THSD7B: variants seen among roughly 807,000 people sequenced by gnomAD.
The protein encoded by THSD7B is thrombospondin type-1 domain-containing protein 7B.
THSD7B carries 138 observed loss-of-function variants against 213.6 expected under a neutral mutation model. The observed-to-expected ratio is 0.65, with a 90% CI of 0.56 to 0.74. The LOEUF is 0.74. Ranked by LOEUF, THSD7B falls within the 30% of genes least tolerant of loss-of-function variation. The probability of loss-of-function intolerance (pLI) is 0.00; values close to 1 mark genes in which losing one functional copy is unlikely to be tolerated. For synonymous variants in THSD7B, 742 were observed against 687.0 expected, an observed-to-expected ratio of 1.08 and a Z score of -1.25; for missense variants, 1,931 against 1,991.5, an observed-to-expected ratio of 0.97 and a Z score of 0.58.
intron 15 of THSD7B, among the ~76,000 whole-genome samples, chr2:137,555,590 G>A (rs1257165952): frequency 2.6e-5 from 4 of 151,896 alleles, no homozygotes; most frequent in Non-Finnish European, 5.9e-5. Context: ...ACCAAGATGG[G>A]GAAAAAACAG....
At chr2:137,183,711 G>T (rs1468907326) in intron 7 of THSD7B, among the ~76,000 whole-genome samples, 3 of 152,068 alleles carry the variant, frequency 2.0e-5, no homozygotes, top group African/African-American at 7.2e-5. Flanking sequence ...GCAGCTATGG[G>T]ATGGGCCGTA....
chr2:136,906,221 C>G (rs1216209634), intron 2 of THSD7B, among the ~76,000 whole-genome samples: 3 of 152,124 alleles, frequency 2.0e-5, no homozygotes, highest in Admixed American at 1.3e-4. Context: ...AGATAACGCT[C>G]AGTGTTCAGC....
chr2:137,553,088 A>G (rs1680882008), intron 15 of THSD7B, among the ~76,000 whole-genome samples: 2 of 152,182 alleles, frequency 1.3e-5, no homozygotes, highest in Admixed American at 1.3e-4. Flanking sequence ...TTCCCCTAAC[A>G]TTCCAATGAA....
At chr2:137,282,941 G>T (rs1178141163) in intron 12 of THSD7B, among the ~76,000 whole-genome samples, 1 of 152,156 alleles carries the variant, frequency 6.6e-6, no homozygotes, top group African/African-American at 2.4e-5. Context: ...ATTCTGTGAA[G>T]AAAGTCATTG....
intron 5 of THSD7B, among the ~76,000 whole-genome samples, chr2:137,122,118 A>G (rs1688556280): frequency 6.6e-6 from 1 of 152,200 alleles, no homozygotes; most frequent in South Asian, 2.1e-4. Context: ...GTTTTGGGCT[A>G]AGGCAATGCT....
intron 7 of THSD7B, among the ~76,000 whole-genome samples, chr2:137,193,953 C>A (rs74522621): frequency 0.037 from 5,563 of 151,590 alleles, 353 homozygotes; most frequent in African/African-American, 0.13. Context: ...GAATTTGCAA[C>A]CTTGGTTTTC....
In THSD7B at chr2:137,238,849, G is replaced by A. The variant is rs371770902; in HGVS notation, c.2151-3608G>A. 2.6e-5 allele frequency among the ~76,000 whole-genome samples: 4 copies of A among 151,898 alleles called. No homozygotes were observed. In the East Asian group the frequency reaches 5.8e-4, roughly 22 times the overall value. On this transcript the variant is annotated intron_variant, in intron 9 of 27. Transcript: ENST00000409968. ...ATTACAGGCGTGAGCCACCGCGCCC[G>A]GCCATGACACTCATCTTTCTTTCTC...
At chr2:137,252,783 C>A (rs566848443) in intron 10 of THSD7B, among the ~76,000 whole-genome samples, 1 of 152,170 alleles carries the variant, frequency 6.6e-6, no homozygotes. Context: ...GCCTTTCCAA[C>A]TGGTTCAAGC....
At chr2:136,805,906 G>C (rs1401819254) in intron 1 of THSD7B, among the ~76,000 whole-genome samples, 1 of 152,094 alleles carries the variant, frequency 6.6e-6, no homozygotes, top group Non-Finnish European at 1.5e-5. Flanking sequence ...ATTCCTTGTG[G>C]CTTCTCCACT....
At chr2:136,802,639 T>TATA (rs1682205694) in intron 1 of THSD7B, among the ~76,000 whole-genome samples, 48 of 57,382 alleles carry the variant, frequency 8.4e-4, no homozygotes, top group East Asian at 2.8e-3. Flanking sequence ...TGAATTAAGT[T>TATA]TATATATATA....
At chr2:137,513,726 C>T (rs1211127182) in intron 15 of THSD7B, among the ~76,000 whole-genome samples, 2 of 152,100 alleles carry the variant, frequency 1.3e-5, no homozygotes, top group African/African-American at 2.4e-5. Flanking sequence ...GAGCTAGCAC[C>T]GTGAGGATTA....
chr2:137,259,496 G>T lies in THSD7B; in HGVS notation c.2267-13037G>T, dbSNP rs900579585. Among the ~76,000 whole-genome samples, 8 of 152,110 alleles carry T rather than the reference G, an allele frequency of 5.3e-5. No homozygotes were observed. In the East Asian group the frequency reaches 1.5e-3, roughly 29 times the overall value. On this transcript the variant is annotated intron_variant, in intron 10 of 27. Transcript: ENST00000409968. The stretch of plus-strand genomic sequence containing the variant: ...GCATAAATATCTTCTTTTGACAAGG[G>T]TCTGTTTATATCCTTTGCCCACTTT...
chr2:137,121,447 TTAACA>T (rs773934650), intron 5 of THSD7B, among the ~76,000 whole-genome samples: 4 of 152,182 alleles, frequency 2.6e-5, no homozygotes, highest in African/African-American at 4.8e-5. Context: ...TTCTTCAAAG[TTAACA>T]TGACTAAACT....
chr2:137,308,803 A>T (rs1683819049), intron 12 of THSD7B, among the ~76,000 whole-genome samples: 1 of 152,138 alleles, frequency 6.6e-6, no homozygotes, highest in Admixed American at 6.5e-5. Context: ...ATCTATATGT[A>T]TATGTACTGA....
intron 12 of THSD7B, among the ~76,000 whole-genome samples, chr2:137,361,035 G>A (rs1263659444): frequency 6.6e-6 from 1 of 152,170 alleles, no homozygotes; most frequent in African/African-American, 2.4e-5. Flanking sequence ...AATATATGCT[G>A]TTCTGCAATA....
chr2:137,133,878 T>C (rs1455474780), intron 5 of THSD7B, among the ~76,000 whole-genome samples: 2 of 152,184 alleles, frequency 1.3e-5, no homozygotes, highest in Non-Finnish European at 2.9e-5. Context: ...TTGCAGTGCA[T>C]CTCATATTGG....
intron 2 of THSD7B, among the ~76,000 whole-genome samples, chr2:136,961,990 C>T (rs1414497528): frequency 1.3e-5 from 2 of 152,190 alleles, no homozygotes; most frequent in Non-Finnish European, 2.9e-5. Context: ...ATTAAGGTTG[C>T]TAATCAGCTG....
chr2:137,388,892 C>A (rs1685953247), intron 12 of THSD7B, among the ~76,000 whole-genome samples: 1 of 151,862 alleles, frequency 6.6e-6, no homozygotes, highest in African/African-American at 2.4e-5. Flanking sequence ...TGTATATATA[C>A]CACATTTTCT....
intron 5 of THSD7B, among the ~76,000 whole-genome samples, chr2:137,154,595 C>G (rs1351028616): frequency 6.6e-6 from 1 of 151,882 alleles, no homozygotes; most frequent in Non-Finnish European, 1.5e-5. Context: ...AAATGGCTAT[C>G]AATAGGGGTG....
Sources: gnomAD v4.1 joint callset for allele counts (sites outside exome capture counted in the v4.1 genomes callset) on GRCh38, gnomAD v4.1.1 for gene constraint, MANE v1.5 for transcripts, NCBI Gene and HGNC (gene_info 2026-07-23, HGNC 2026-07-21) for gene names.